Variants in F8 observed in about 807,000 individuals in gnomAD.
F8 encodes the protein antihemophilic factor.
In F8, 12 loss-of-function variants were observed where a neutral mutation model predicts 140.6. The observed-to-expected ratio is 0.09, with a 90% CI of 0.05 to 0.14. The LOEUF is 0.14. Ranked by LOEUF, F8 falls within the 10% of genes least tolerant of loss-of-function variation. F8 has a pLI of 1.00. For synonymous variants in F8, 585 were observed against 614.6 expected, an observed-to-expected ratio of 0.95 and a Z score of 0.71; for missense variants, 1,354 against 1,720.7, an observed-to-expected ratio of 0.79 and a Z score of 3.77.
rs2034514906 is a variant in F8, at chrX:154,982,029, C to CA, written c.787+2657dup. On this transcript the variant is annotated intron_variant, in intron 6 of 25. Transcript: ENST00000360256. ...TGAAACCCCATCTCTACTAAAACTACAAAAATTAGGTGGGCGTGGTGGCAC... is the reference window on the plus strand; with the variant it reads ...TGAAACCCCATCTCTACTAAAACTACAAAAAATTAGGTGGGCGTGGTGGCAC... Among the ~76,000 whole-genome samples the CA allele has an allele frequency of 3.6e-5, 4 of 109,756 alleles. No individual in the cohort carries two copies. The South Asian group carries it at 1.6e-3, about 43-fold the overall frequency.
intron 1 of F8, among the ~76,000 whole-genome samples, chrX:155,010,314 A>T (rs1034080182): frequency 1.4e-4 from 16 of 112,174 alleles, no homozygotes; most frequent in Non-Finnish European, 2.6e-4. Flanking sequence ...TGTCCTTGAC[A>T]TGAACTGTTC....
At chrX:154,858,033 G>C (rs2072662374) in intron 25 of F8, among the ~76,000 whole-genome samples, 1 of 111,888 alleles carries the variant, frequency 8.9e-6, no homozygotes, top group African/African-American at 3.3e-5. Flanking sequence ...CAGCTACTCG[G>C]GAGGCTGAGG....
chrX:154,940,751 AG>A (rs2073257212), intron 13 of F8, among the ~76,000 whole-genome samples: 1 of 112,209 alleles, frequency 8.9e-6, no homozygotes, highest in Non-Finnish European at 1.9e-5. Flanking sequence ...AAAAATGTTA[AG>A]GACAGCCAGA....
At chrX:154,939,515 G>A (rs1450416894) in intron 13 of F8, among the ~76,000 whole-genome samples, 5 of 112,800 alleles carry the variant, frequency 4.4e-5, no homozygotes, top group East Asian at 2.8e-4. Flanking sequence ...CAAAGCGGCC[G>A]GGAAGCTCGA....
chrX:154,868,781 T>A (rs1415766292), intron 22 of F8, among the ~76,000 whole-genome samples: 1 of 110,923 alleles, frequency 9.0e-6, no homozygotes, highest in East Asian at 2.8e-4. Flanking sequence ...GACCCATCAG[T>A]ATGCTGTATT....
chrX:154,850,731 G>T (rs782557221), intron 25 of F8, among the ~76,000 whole-genome samples: 5 of 111,097 alleles, frequency 4.5e-5, no homozygotes, highest in Admixed American at 9.6e-5. Context: ...ACGCATAAAA[G>T]ATATTTTCAT....
At chrX:154,868,490 G>A (rs185736364) in intron 22 of F8, among the ~76,000 whole-genome samples, 219 of 111,348 alleles carry the variant, frequency 2.0e-3, no homozygotes, top group African/African-American at 6.8e-3. Context: ...ACAGACAACC[G>A]AATGCTGAGG....
rs782345730 is a variant in F8 at position 154,929,934 on chromosome X, G to A, written c.3856C>T (p.His1286Tyr). 4 of 1,211,090 alleles carry A rather than the reference G, an allele frequency of 3.3e-6. No homozygotes were observed. In the East Asian group the frequency reaches 1.2e-4, roughly 36 times the overall value. ...TCTTCCTCCCCTTTTTTTGAGAAAT[G>A]AGCTGTGTGTTTCTTTGTTCTATTT... Reference protein sequence around the residue: ...STNRTKKHTAHFSKKGEEENL... With the variant: ...STNRTKKHTAYFSKKGEEENL... The change falls in exon 14 of 26, where the codon CAT (histidine) becomes TAT (tyrosine). Residue 1286 changes from histidine (H) to tyrosine (Y), a missense_variant. His to Tyr is a moderately conservative substitution (Grantham distance 83). Coordinates refer to ENST00000360256, the MANE Select transcript of F8 (RefSeq NM_000132.4).
chrX:154,980,404 TTC>T (rs1215213365), intron 6 of F8, among the ~76,000 whole-genome samples: 1 of 112,032 alleles, frequency 8.9e-6, no homozygotes, highest in African/African-American at 3.3e-5. Flanking sequence ...TCTGAATTGT[TTC>T]TCTGTGTTTT....
At position 155,018,387 on chromosome X, in the gene F8, T is replaced by C. The variant is rs1289571621; in HGVS notation, c.143+4023A>G. On this transcript the variant is annotated intron_variant, in intron 1 of 25. Coordinates refer to ENST00000360256, the MANE Select transcript of F8 (RefSeq NM_000132.4). ...AAACAGACTGACGAGTTTTATATATTAATGTGTGAACAGTGCATAGCTACA... is the reference window on the plus strand; with the variant it reads ...AAACAGACTGACGAGTTTTATATATCAATGTGTGAACAGTGCATAGCTACA... Among the ~76,000 whole-genome samples the C allele has an allele frequency of 2.7e-5, 3 of 111,413 alleles. No individual in the cohort carries two copies. In the Admixed American group the frequency reaches 2.9e-4, roughly 11 times the overall value.
intron 14 of F8, among the ~76,000 whole-genome samples, chrX:154,926,654 G>A (rs2073162206): frequency 8.9e-6 from 1 of 111,933 alleles, no homozygotes; most frequent in Non-Finnish European, 1.9e-5. Flanking sequence ...GGGGTTACAG[G>A]AGTGAGCCAC....
intron 22 of F8, among the ~76,000 whole-genome samples, chrX:154,895,356 G>C (rs1557275527): frequency 1.8e-5 from 2 of 112,021 alleles, no homozygotes; most frequent in African/African-American, 6.5e-5. Context: ...AAAGACAATG[G>C]GAAGACATTG....
At chrX:154,864,633 T>C (rs1206061696) in intron 22 of F8, among the ~76,000 whole-genome samples, 1 of 111,786 alleles carries the variant, frequency 8.9e-6, no homozygotes, top group East Asian at 2.8e-4. Flanking sequence ...ATAAAAACCA[T>C]AAAAAAGAAC....
chrX:154,961,298 T>A, intron 9 of F8, 130 bp from the exon 10 acceptor site: 4 of 470,290 alleles, frequency 8.5e-6, no homozygotes, highest in Non-Finnish European at 1.5e-5. Context: ...TAGATAAAAC[T>A]CAAAATATTT....
At chrX:154,875,736 A>AGTGT (rs35911984) in intron 22 of F8, among the ~76,000 whole-genome samples, 1,024 of 93,417 alleles carry the variant, frequency 0.011, 8 homozygotes, top group Non-Finnish European at 0.016. Flanking sequence ...CTAAGAATGT[A>AGTGT]GTGTGTGTGT....
Position 154,969,432 on chromosome X carries a change from G to A in F8, c.908C>T (p.Ala303Val), listed in dbSNP as rs782206045. 3 of 1,209,444 alleles carry A rather than the reference G, an allele frequency of 2.5e-6. No individual in the cohort carries two copies. The highest frequency in any genetic ancestry group is 2.2e-5 in the Admixed American group (1 of 45,739). ...AGTTATTGGCGAGATTTCCAAGGAC[G>A]CCTGGCGATGGTTCCTCACAAGAAA... ...HTFLVRNHRQ[A>V]SLEISPITFL... The change falls in exon 7 of 26, where the codon GCG becomes GTG. Residue 303 changes from alanine (A) to valine (V), a missense_variant. This residue lies in a region of F8 where 128 missense variants were observed against 230.4 expected (regional missense o/e 0.56). Coordinates refer to ENST00000360256, the MANE Select transcript of F8 (RefSeq NM_000132.4).
chrX:154,864,435 G>A (rs1557273049), intron 22 of F8, among the ~76,000 whole-genome samples: 1 of 112,411 alleles, frequency 8.9e-6, no homozygotes, highest in African/African-American at 3.2e-5. Flanking sequence ...AGGCAAATAT[G>A]ACATCACCAA....
At chrX:154,886,322 C>T (rs2072895552) in intron 22 of F8, 2 of 392,357 alleles carry the variant, frequency 5.1e-6, no homozygotes, top group East Asian at 1.9e-4. Flanking sequence ...CGCCCCGCCC[C>T]GGCCCGCCCG....
At chrX:154,862,284 A>G (rs112077230) in intron 23 of F8, among the ~76,000 whole-genome samples, 1 of 111,408 alleles carries the variant, frequency 9.0e-6, no homozygotes, top group Non-Finnish European at 1.9e-5. Flanking sequence ...CCTTGGCCTC[A>G]CAAAGTGCTG....
Sources: gnomAD v4.1 joint callset for allele counts (sites outside exome capture counted in the v4.1 genomes callset) on GRCh38, gnomAD v4.1.1 for gene constraint, gnomAD v4.1.1 regional missense constraint, MANE v1.5 for transcripts, NCBI Gene and HGNC (gene_info 2026-07-23, HGNC 2026-07-21) for gene names.